SLC12A4: variants seen among roughly 807,000 people sequenced by gnomAD.
SLC12A4 encodes solute carrier family 12 member 4.
A neutral mutation model predicts 119.2 loss-of-function variants in SLC12A4; 84 were observed. The ratio of observed to expected loss-of-function variants is 0.70; its 90% CI spans 0.59 to 0.85. SLC12A4 has a LOEUF of 0.85. SLC12A4 is among the 40% of genes least tolerant of loss of function. SLC12A4 has a pLI of 0.00. For missense variants in SLC12A4, 1,298 were observed against 1,476.3 expected (o/e 0.88, Z 1.98); for synonymous variants, 599 against 604.6 (o/e 0.99, Z 0.14).
At position 67,943,744 on chromosome 16, in the gene SLC12A4, A is replaced by G. The variant is rs956137165; in HGVS notation, c.*1096T>C. The G allele has an allele frequency of 1.2e-5, 7 of 591,176 alleles. No individual in the cohort carries two copies. Among genetic ancestry groups the G allele is most frequent in the Non-Finnish European group, 2.1e-5 (7 of 340,410 alleles). 36.6% of individuals were successfully genotyped at this position (591,176 alleles called of 1,614,324 possible). The stretch of plus-strand genomic sequence containing the variant: ...TCCCCCACTCCGCCCCCCCTGGGTT[A>G]GACAACTGAGAGTCACAGTGTGGTG... On this transcript the variant is annotated 3_prime_UTR_variant, in exon 24 of 24. Transcript: ENST00000316341. This position sits in a 1 kb window ranked among gnomAD's most constrained non-coding sequence, Gnocchi z 4.6.
chr16:67,952,321 G>A lies in SLC12A4; in HGVS notation c.780C>T (p.Thr260=). The part of the protein sequence containing the change: ...NMRVYGTIFL[T]FMTLVVFVGV... ...CCACAAACACCACCAGGGTCATGAA[G>A]GTCAGGAAAATGGTCCCATACACAC... The change falls in exon 7 of 24, where the codon ACC becomes ACT. Residue 260 remains threonine, a synonymous_variant. Coordinates refer to ENST00000316341, the MANE Select transcript of SLC12A4 (RefSeq NM_005072.5). 1 of 1,614,172 alleles carries A rather than the reference G, an allele frequency of 6.2e-7. No homozygotes were observed. Among genetic ancestry groups the A allele is most frequent in the Non-Finnish European group, 8.5e-7 (1 of 1,180,034 alleles).
chr16:67,950,884 G>A lies in SLC12A4; in HGVS notation c.1396+78C>T. The A allele has an allele frequency of 6.7e-7, 1 of 1,497,540 alleles. No individual in the cohort carries two copies. The highest frequency in any genetic ancestry group is 9.3e-7 in the Non-Finnish European group (1 of 1,080,032). 92.8% of individuals were successfully genotyped at this position (1,497,540 alleles called of 1,614,324 possible). ...ATATATGAGTGTGTGGGGTGTCTGT[G>A]CATGTGACCTGGCAACGTACACAGG... On this transcript the variant is annotated intron_variant, in intron 10 of 23. Transcript: ENST00000316341. This position sits in a 1 kb window ranked among gnomAD's most constrained non-coding sequence, Gnocchi z 4.3.
At position 67,957,878 on chromosome 16, in the gene SLC12A4, TC is replaced by T; in HGVS notation, c.489+19del. 7.8e-7 allele frequency: 1 copy of T among 1,277,764 alleles called. No individual in the cohort carries two copies. The highest frequency in any genetic ancestry group is 1.1e-6 in the Non-Finnish European group (1 of 910,978). 79.2% of individuals were successfully genotyped at this position (1,277,764 alleles called of 1,614,324 possible). On this transcript the variant is annotated intron_variant, in intron 4 of 23. Coordinates refer to ENST00000316341, the MANE Select transcript of SLC12A4 (RefSeq NM_005072.5). ...CCGTGGCCCATGCCCAGCCCAACCC[TC>T]CCACGCCAGGACACTCACACAACAG...
rs1396172090 is a variant in SLC12A4 at position 67,946,446 on chromosome 16, G to A, written c.2429C>T (p.Thr810Ile). 1.2e-6 allele frequency: 2 copies of A among 1,605,478 alleles called. No individual in the cohort carries two copies. Among genetic ancestry groups the A allele is most frequent in the Non-Finnish European group, 1.7e-6 (2 of 1,179,858 alleles). Reference sequence around the variant, plus strand: ...CCCAGGCCTTCACACACCAATGAAGGTCTTCCAGGCACGGGGGTCCTCGCT... The same window carrying A: ...CCCAGGCCTTCACACACCAATGAAGATCTTCCAGGCACGGGGGTCCTCGCT... ...RQSEDPRAWK[T>I]FIDTVRCTTA... is the part of the protein sequence containing the mutation. The change falls in exon 18 of 24, where the codon ACC becomes ATC. Residue 810 changes from threonine to isoleucine, a missense_variant. Transcript: ENST00000316341.
At chr16:67,947,478 G>A (rs778148657) in intron 15 of SLC12A4, 43 bp from the exon 16 acceptor site, 10 of 1,590,054 alleles carry the variant, frequency 6.3e-6, no homozygotes, top group Non-Finnish European at 8.6e-6. Context: ...GTGCCGCCCA[G>A]GGGGTTCTGT....
At position 67,946,029 on chromosome 16, in the gene SLC12A4, G is replaced by C. The variant is rs2058341776; in HGVS notation, c.2661C>G (p.Asn887Lys). The change falls in exon 20 of 24, where the codon AAC becomes AAG. Residue 887 changes from asparagine to lysine, a missense_variant. Transcript: ENST00000316341. The stretch of plus-strand genomic sequence containing the variant: ...CCAGGTCCTTCTTCATCTGGATGCT[G>C]TTGTCATCCATCTGGGCCACTGTGA... ...RIFTVAQMDD[N>K]SIQMKKDLAV... 1 of 1,613,952 alleles carries C rather than the reference G, an allele frequency of 6.2e-7. No individual in the cohort carries two copies. Among genetic ancestry groups the C allele is most frequent in the African/African-American group, 1.3e-5 (1 of 74,934 alleles).
chr16:67,963,606 G>T, intron 1 of SLC12A4, 47 bp from the exon 2 acceptor site: 1 of 1,391,454 alleles, frequency 7.2e-7, no homozygotes, highest in Non-Finnish European at 9.8e-7. Context: ...GAGCCCCCCA[G>T]CCTGGGCCCC....
At chr16:67,961,777 G>A in intron 2 of SLC12A4, 71 bp from the exon 3 acceptor site, 2 of 1,589,952 alleles carry the variant, frequency 1.3e-6, no homozygotes, top group Non-Finnish European at 1.7e-6. Context: ...CCAGCTGCCT[G>A]GTCCCTGGCC....
At chr16:67,967,109 C>T (rs1366449181) in intron 1 of SLC12A4, among the ~76,000 whole-genome samples, 1 of 152,186 alleles carries the variant, frequency 6.6e-6, no homozygotes, top group Non-Finnish European at 1.5e-5. Context: ...GGCATGGAGG[C>T]TGGGGCACTC....
At chr16:67,947,916 T>C in intron 14 of SLC12A4, 128 bp from the exon 15 acceptor site, 1 of 1,468,736 alleles carries the variant, frequency 6.8e-7, no homozygotes, top group Non-Finnish European at 9.4e-7. Flanking sequence ...GGTCACTGGG[T>C]GTAAGACCTA....
chr16:67,943,760 CAG>C lies in SLC12A4; in HGVS notation c.*1078_*1079del. On this transcript the variant is annotated 3_prime_UTR_variant, in exon 24 of 24. Transcript: ENST00000316341. The surrounding 1 kb of genome is among the most constrained non-coding windows in gnomAD (Gnocchi z 4.6). ...CCCTGGGTTAGACAACTGAGAGTCA[CAG>C]TGTGGTGGGAGAAGGGACGTCATTC... The C allele has an allele frequency of 1.6e-6, 1 of 613,542 alleles. No individual in the cohort carries two copies. The highest frequency in any genetic ancestry group is 2.8e-6 in the Non-Finnish European group (1 of 356,610). 38.0% of individuals were successfully genotyped at this position (613,542 alleles called of 1,614,324 possible).
rs2058337349 is a variant in SLC12A4, at chr16:67,945,777, T to C, written c.2834A>G (p.Glu945Gly). The change falls in exon 21 of 24, where the codon GAG (glutamate) becomes GGG (glycine). Residue 945 changes from glutamate to glycine, a missense_variant. Glu to Gly is a moderately conservative substitution (Grantham distance 98). Coordinates refer to ENST00000316341, the MANE Select transcript of SLC12A4 (RefSeq NM_005072.5). ...MLRQMRLTKT[E>G]REREAQLVKD... The stretch of plus-strand genomic sequence containing the variant: ...AAGGGCACTGACTTCTCGCTCCCGC[T>C]CAGTCTTGGTCAGTCTCATCTGCCG... The C allele has an allele frequency of 6.2e-7, 1 of 1,613,386 alleles. No homozygotes were observed. Among genetic ancestry groups the C allele is most frequent in the Admixed American group, 1.7e-5 (1 of 60,002 alleles).
chr16:67,957,475 T>G (rs1287864251), intron 5 of SLC12A4: 1 of 447,108 alleles, frequency 2.2e-6, no homozygotes, highest in East Asian at 4.2e-5. Flanking sequence ...GGCCTTTTTT[T>G]GCACTTTCAA....
At position 67,954,698 on chromosome 16, in the gene SLC12A4, AG is replaced by A. The variant is rs1392733150; in HGVS notation, c.619del (p.Leu207TrpfsTer19). The A allele has an allele frequency of 6.2e-7, 1 of 1,614,090 alleles. No individual in the cohort carries two copies. The highest frequency in any genetic ancestry group is 1.3e-5 in the African/African-American group (1 of 74,928). ...CATGGCTGCTGCGAATGTTGTTCCC[AG>A]GTAGAAGCACAGGCCCACAGCACCT... ...FGGAVGLCFYLGTTFAAAMYI... is the reference protein window; with the variant it reads ...FGGAVGLCFYXGTTFAAAMYI... On this transcript the variant is annotated frameshift_variant, in exon 6 of 24. Coordinates refer to ENST00000316341, the MANE Select transcript of SLC12A4 (RefSeq NM_005072.5). LOFTEE classifies it high-confidence loss of function.
At chr16:67,963,942 G>C (rs1338121847) in intron 1 of SLC12A4, 2 of 1,551,518 alleles carry the variant, frequency 1.3e-6, no homozygotes, top group Non-Finnish European at 1.7e-6. Flanking sequence ...CAATGTGCAG[G>C]ATGCCAAGGG....
At position 67,950,177 on chromosome 16, in the gene SLC12A4, C is replaced by T; in HGVS notation, c.1629+142G>A. 1 of 1,016,096 alleles carries T rather than the reference C, an allele frequency of 9.8e-7. No individual in the cohort carries two copies. The highest frequency in any genetic ancestry group is 1.4e-6 in the Non-Finnish European group (1 of 705,490). The allele number at this position is 1,016,096 out of a possible 1,614,324, so 62.9% of individuals were successfully genotyped here. ...GGTGAGTGCCAGGCCCAGGGCACTT[C>T]TCAGTAGCTCCTCATGGATGGCCGC... is the stretch of plus-strand genomic sequence containing the variant. On this transcript the variant is annotated intron_variant, in intron 12 of 23. Coordinates refer to ENST00000316341, the MANE Select transcript of SLC12A4 (RefSeq NM_005072.5). The surrounding 1 kb of genome is among the most constrained non-coding windows in gnomAD (Gnocchi z 4.3).
chr16:67,961,814 G>T (rs915333383), intron 2 of SLC12A4, 108 bp from the exon 3 acceptor site: 5 of 1,438,954 alleles, frequency 3.5e-6, no homozygotes, highest in Non-Finnish European at 4.8e-6. Context: ...GACAGGCCTG[G>T]GCCTGATCCC....
In SLC12A4 at chr16:67,963,488, C is replaced by T. The variant is rs2030692474; in HGVS notation, c.187G>A (p.Asp63Asn). 1 of 1,581,964 alleles carries T rather than the reference C, an allele frequency of 6.3e-7. No individual in the cohort carries two copies. Among genetic ancestry groups the T allele is most frequent in the Admixed American group, 2.0e-5 (1 of 49,290 alleles). ...ACCTCAAACAGTGCCAGGTTCCTGT[C>T]ATAGTAGTCAATTCCTCTGGAAGCC... ...LEASRGIDYY[D>N]RNLALFEEEL... The change falls in exon 2 of 24, where the codon GAC (aspartate) becomes AAC (asparagine). Residue 63 changes from aspartate (D) to asparagine (N), a missense_variant. Physicochemically the swap from Asp to Asn is conservative, Grantham distance 23. Coordinates refer to ENST00000316341, the MANE Select transcript of SLC12A4 (RefSeq NM_005072.5).
intron 1 of SLC12A4, 28 bp from the exon 2 acceptor site, chr16:67,963,587 C>T: frequency 6.7e-7 from 1 of 1,500,238 alleles, no homozygotes; most frequent in Non-Finnish European, 9.0e-7. Flanking sequence ...CAATCAGGGC[C>T]TGCTTCCTGA....
Sources: gnomAD v4.1 joint callset for allele counts (sites outside exome capture counted in the v4.1 genomes callset) on GRCh38, gnomAD v4.1.1 for gene constraint, Gnocchi (gnomAD v3.1) non-coding constraint, MANE v1.5 for transcripts, NCBI Gene and HGNC (gene_info 2026-07-23, HGNC 2026-07-21) for gene names.